TNS3: variants seen among roughly 807,000 people sequenced by gnomAD.
TNS3 encodes the protein tensin 3, also known as tensin-3.
A neutral mutation model predicts 140.9 loss-of-function variants in TNS3; 45 were observed. That is an observed-to-expected ratio of 0.32 (90% CI 0.25 to 0.41). TNS3 has a LOEUF of 0.41. Ranked by LOEUF, TNS3 falls within the 10% of genes least tolerant of loss-of-function variation. The pLI is 1.00. For synonymous variants in TNS3, 815 were observed against 788.4 expected, an observed-to-expected ratio of 1.03 and a Z score of -0.56; for missense variants, 1,716 against 1,906.7, an observed-to-expected ratio of 0.90 and a Z score of 1.86.
intron 3 of TNS3, among the ~76,000 whole-genome samples, chr7:47,498,483 G>A (rs1174251056): frequency 6.6e-6 from 1 of 152,218 alleles, no homozygotes; most frequent in Non-Finnish European, 1.5e-5. Flanking sequence ...GCAAATAGGT[G>A]CAGATTCATT....
Position 47,341,000 on chromosome 7 carries a change from T to C in TNS3, c.2650+3755A>G, listed in dbSNP as rs1241501235. Among the ~76,000 whole-genome samples the C allele has an allele frequency of 2.6e-5, 4 of 152,210 alleles. No individual in the cohort carries two copies. In the East Asian group the frequency reaches 7.7e-4, roughly 29 times the overall value. ...TATTCTTTTTTTGGATTGACTGATA[T>C]AGTCGTGAGCTTTTTCTTTAGCCTG... is the stretch of plus-strand genomic sequence containing the variant. On this transcript the variant is annotated intron_variant, in intron 20 of 30. Coordinates refer to ENST00000311160, the MANE Select transcript of TNS3 (RefSeq NM_022748.12).
In TNS3 at chr7:47,424,281, C is replaced by A. The variant is rs1193569285; in HGVS notation, c.390-97G>T. 9.2e-6 allele frequency: 11 copies of A among 1,193,410 alleles called. No individual in the cohort carries two copies. In the Admixed American group the frequency reaches 2.2e-4, roughly 24 times the overall value. 73.9% of individuals were successfully genotyped at this position (1,193,410 alleles called of 1,614,324 possible). A position where few individuals can be genotyped will look rare whatever the true frequency, so the allele number is the denominator to read the frequency against. ...GTGTCTCATGGCTGTTCAAAGCGAC[C>A]AGCTCCCACAAGGGGCTTCACCCTT... On this transcript the variant is annotated intron_variant, in intron 9 of 30. Coordinates refer to ENST00000311160, the MANE Select transcript of TNS3 (RefSeq NM_022748.12).
At chr7:47,552,100 C>A (rs1037399974) in intron 1 of TNS3, among the ~76,000 whole-genome samples, 2 of 150,300 alleles carry the variant, frequency 1.3e-5, no homozygotes, top group African/African-American at 5.0e-5. Context: ...TTCTGGCACA[C>A]CTAATTCATT....
chr7:47,364,832 C>T (rs115517481), intron 17 of TNS3, among the ~76,000 whole-genome samples: 2,217 of 152,270 alleles, frequency 0.015, 53 homozygotes, highest in African/African-American at 0.047. Context: ...TGGACAGTTG[C>T]TCATGTGTGG....
At chr7:47,366,557 C>A (rs1342473986) in intron 17 of TNS3, among the ~76,000 whole-genome samples, 1 of 152,218 alleles carries the variant, frequency 6.6e-6, no homozygotes, top group East Asian at 1.9e-4. Context: ...CAACCCACAG[C>A]ACACTCAGAC....
intron 1 of TNS3, among the ~76,000 whole-genome samples, chr7:47,573,449 C>T (rs1299453753): frequency 6.6e-6 from 1 of 152,216 alleles, no homozygotes; most frequent in Non-Finnish European, 1.5e-5. Context: ...AGGGCTTTGC[C>T]ACAGTTCTCC....
At chr7:47,539,351 G>A (rs1799716441) in intron 1 of TNS3, 1 of 343,890 alleles carries the variant, frequency 2.9e-6, no homozygotes, top group Non-Finnish European at 5.8e-6. Flanking sequence ...TTCGTTACTA[G>A]TAACAAATAT....
intron 2 of TNS3, among the ~76,000 whole-genome samples, chr7:47,510,953 T>C (rs566261892): frequency 6.0e-5 from 9 of 151,260 alleles, no homozygotes; most frequent in African/African-American, 1.9e-4. Context: ...TATTAACAAA[T>C]GTGGGGATTT....
At chr7:47,582,517 C>A (rs973565303), upstream of TNS3, 1 of 456,472 alleles carries the variant, frequency 2.2e-6, no homozygotes, top group East Asian at 7.0e-5. Context: ...GGGAGCAAGA[C>A]CTACCCTCCC....
At chr7:47,545,486 C>G (rs984953543) in intron 1 of TNS3, among the ~76,000 whole-genome samples, 2 of 152,126 alleles carry the variant, frequency 1.3e-5, no homozygotes, top group Non-Finnish European at 2.9e-5. Context: ...GCCCAAGGCT[C>G]TAGGAAGTTT....
chr7:47,467,776 G>A (rs902248450), intron 4 of TNS3, among the ~76,000 whole-genome samples: 4 of 152,140 alleles, frequency 2.6e-5, no homozygotes. Flanking sequence ...GAAAACAGAA[G>A]GTTAGAAAAC....
chr7:47,509,085 C>T (rs1035957957), intron 2 of TNS3, among the ~76,000 whole-genome samples: 2 of 152,212 alleles, frequency 1.3e-5, no homozygotes, highest in African/African-American at 4.8e-5. Flanking sequence ...CTTTGGGGAT[C>T]ATTTGTCATG....
chr7:47,515,017 AG>A (rs1798733494), intron 2 of TNS3, among the ~76,000 whole-genome samples: 1 of 152,192 alleles, frequency 6.6e-6, no homozygotes, highest in Non-Finnish European at 1.5e-5. Flanking sequence ...CACACCAGCA[AG>A]GTTTTGAGGA....
At chr7:47,494,403 A>T (rs150917277) in intron 3 of TNS3, among the ~76,000 whole-genome samples, 170 of 152,336 alleles carry the variant, frequency 1.1e-3, no homozygotes, top group African/African-American at 4.0e-3. Flanking sequence ...AACCTCTGAA[A>T]AAGCGAAAGG....
intron 4 of TNS3, among the ~76,000 whole-genome samples, chr7:47,478,522 T>G (rs1797279769): frequency 2.6e-5 from 4 of 152,112 alleles, no homozygotes; most frequent in Non-Finnish European, 2.9e-5. Flanking sequence ...TCCACATATA[T>G]ATACCCTCAG....
chr7:47,320,076 A>G (rs994097707), intron 20 of TNS3, among the ~76,000 whole-genome samples: 2 of 152,202 alleles, frequency 1.3e-5, no homozygotes, highest in Admixed American at 1.3e-4. Context: ...CTCAGAATGC[A>G]TTTTATCTTT....
intron 4 of TNS3, among the ~76,000 whole-genome samples, chr7:47,478,565 A>G (rs1383916056): frequency 6.6e-6 from 1 of 152,188 alleles, no homozygotes; most frequent in East Asian, 1.9e-4. Context: ...ACCTACACAC[A>G]TTAATAATTA....
intron 20 of TNS3, among the ~76,000 whole-genome samples, chr7:47,315,660 G>C (rs957150917): frequency 6.6e-6 from 1 of 152,226 alleles, no homozygotes; most frequent in African/African-American, 2.4e-5. Flanking sequence ...GGAAGCCTTA[G>C]AGCCTGGCCA....
Position 47,411,730 on chromosome 7 carries a change from G to A in TNS3, c.720C>T (p.Val240=), listed in dbSNP as rs1424389844. 2 of 1,611,010 alleles carry A rather than the reference G, an allele frequency of 1.2e-6. No homozygotes were observed. The highest frequency in any genetic ancestry group is 4.5e-5 in the East Asian group (2 of 44,738). The change falls in exon 13 of 31, where the codon GTC becomes GTT. Residue 240 remains valine, a synonymous_variant. Transcript: ENST00000311160. ...IEPAQLLKGD[V]MVKCYHKKYR... is the part of the protein sequence containing the mutation. ...TGCGGCCACAGCGGGCACTCACCAT[G>A]ACATCTCCCTTCAGAAGCTGGGCCG...
Sources: allele counts gnomAD v4.1 joint callset (sites outside exome capture counted in the v4.1 genomes callset), GRCh38; gene constraint gnomAD v4.1.1; transcripts MANE v1.5; gene names NCBI Gene and HGNC (gene_info 2026-07-23, HGNC 2026-07-21).